Variants in RPS6KA2 observed in about 807,000 individuals in gnomAD.
RPS6KA2 encodes ribosomal protein S6 kinase alpha-2.
Under a neutral mutation model 91.8 loss-of-function variants are expected in RPS6KA2, and 42 were observed. The observed-to-expected ratio is 0.46, with a 90% confidence interval of 0.36 to 0.59. RPS6KA2 has a LOEUF of 0.59. RPS6KA2 is among the 20% of genes least tolerant of loss of function. The pLI, the probability that RPS6KA2 is intolerant of heterozygous loss-of-function variation, is 0.00. For synonymous variants in RPS6KA2, 414 were observed against 393.6 expected (o/e 1.05, Z -0.61); for missense variants, 798 against 978.5 (o/e 0.82, Z 2.46).
At chr6:166,805,967 C>T (rs113990071) in intron 2 of RPS6KA2, among the ~76,000 whole-genome samples, 1,550 of 152,062 alleles carry the variant, frequency 0.01, 33 homozygotes, top group African/African-American at 0.036. Context: ...AAGTACAATA[C>T]GTTAAATTTT....
chr6:166,826,275 A>G (rs1374366641), intron 2 of RPS6KA2, among the ~76,000 whole-genome samples: 1 of 152,224 alleles, frequency 6.6e-6, no homozygotes, highest in Non-Finnish European at 1.5e-5. Flanking sequence ...AGAAAGTGGA[A>G]AAGTAGAAAG....
chr6:166,719,002 C>A (rs1790098432), intron 2 of RPS6KA2, among the ~76,000 whole-genome samples: 1 of 152,142 alleles, frequency 6.6e-6, no homozygotes, highest in Non-Finnish European at 1.5e-5. Flanking sequence ...ACAACAAGGC[C>A]AATATACTTG....
rs1013729355 is a variant in RPS6KA2, at chr6:166,612,650, T to C, written c.99+14271A>G. ...TGCAGAGCCCGTGGGCTGTGCTCCATTTATCACTCTGTCCGGGCGTCTGTT... is the reference window on the plus strand; with the variant it reads ...TGCAGAGCCCGTGGGCTGTGCTCCACTTATCACTCTGTCCGGGCGTCTGTT... On this transcript the variant is annotated intron_variant, in intron 1 of 20. Coordinates refer to ENST00000265678, the MANE Select transcript of RPS6KA2 (RefSeq NM_021135.6). The surrounding 1 kb of genome is among the most constrained non-coding windows in gnomAD (Gnocchi z 4.3). 6.6e-6 allele frequency among the ~76,000 whole-genome samples: 1 copy of C among 152,140 alleles called. No individual in the cohort carries two copies. Among genetic ancestry groups the C allele is most frequent in the African/African-American group, 2.4e-5 (1 of 41,442 alleles).
At position 166,554,603 on chromosome 6, in the gene RPS6KA2, C is replaced by T. The variant is rs1481728096; in HGVS notation, c.100-15819G>A. On this transcript the variant is annotated intron_variant, in intron 1 of 20. Transcript: ENST00000265678. This position sits in a 1 kb window ranked among gnomAD's most constrained non-coding sequence, Gnocchi z 4.3. ...GATGTGAGAACTCGCGGCTGGCACG[C>T]GGGTGGCCATGGGGGGGTGGGGGTC... 2.0e-5 allele frequency among the ~76,000 whole-genome samples: 3 copies of T among 152,162 alleles called. No individual in the cohort carries two copies. Among genetic ancestry groups the T allele is most frequent in the South Asian group, 2.1e-4 (1 of 4,820 alleles).
chr6:166,698,293 G>A (rs1411684858), intron 2 of RPS6KA2, among the ~76,000 whole-genome samples: 1 of 152,166 alleles, frequency 6.6e-6, no homozygotes, highest in Non-Finnish European at 1.5e-5. Context: ...AAATCTGTTG[G>A]GTCACAGGCA....
At chr6:166,760,137 T>C (rs684770) in intron 2 of RPS6KA2, among the ~76,000 whole-genome samples, 18,791 of 152,148 alleles carry the variant, frequency 0.12, 2,551 homozygotes, top group African/African-American at 0.34. Context: ...CTGTAACCTA[T>C]TCATTCGGTT....
At chr6:166,474,002 T>C (rs1163465485) in intron 10 of RPS6KA2, among the ~76,000 whole-genome samples, 4 of 151,322 alleles carry the variant, frequency 2.6e-5, no homozygotes, top group African/African-American at 9.7e-5. Flanking sequence ...ACACCCTTTG[T>C]CAGGGAGTCG....
chr6:166,453,768 T>A (rs1021399255), intron 12 of RPS6KA2, among the ~76,000 whole-genome samples: 3 of 152,248 alleles, frequency 2.0e-5, no homozygotes, highest in African/African-American at 7.2e-5. Context: ...ACTGCAGCAC[T>A]ATTCACAATT....
chr6:166,675,272 C>T (rs558906680), intron 2 of RPS6KA2, among the ~76,000 whole-genome samples: 3 of 152,298 alleles, frequency 2.0e-5, no homozygotes, highest in East Asian at 1.9e-4. Context: ...GGGAGGAGGC[C>T]GGCCTCCCCT....
rs767816057 is a variant in RPS6KA2 at position 166,737,834 on chromosome 6, ATTAG to A, written c.123+120362_123+120365del. On this transcript the variant is annotated intron_variant, in intron 2 of 21. Coordinates refer to the RPS6KA2 transcript ENST00000503859. The surrounding 1 kb of genome is among the most constrained non-coding windows in gnomAD (Gnocchi z 4.3). ...TCCCTTTGGTTATTTTTAAATCTGTATTAGTTATTTTCTCATAAACAGAAATAAC... is the reference window on the plus strand; with the variant it reads ...TCCCTTTGGTTATTTTTAAATCTGTATTATTTTCTCATAAACAGAAATAAC... Among the ~76,000 whole-genome samples, 10 of 152,348 alleles carry A rather than the reference ATTAG, an allele frequency of 6.6e-5. No homozygotes were observed. In the East Asian group the frequency reaches 1.9e-3, roughly 29 times the overall value.
intron 1 of RPS6KA2, among the ~76,000 whole-genome samples, chr6:166,568,119 C>CACA (rs1784558106): frequency 6.6e-6 from 1 of 152,178 alleles, no homozygotes; most frequent in African/African-American, 2.4e-5. Flanking sequence ...GGATGCCCAC[C>CACA]ACAGGCCTCA....
intron 1 of RPS6KA2, among the ~76,000 whole-genome samples, chr6:166,598,676 C>T (rs1280529934): frequency 3.3e-5 from 5 of 152,166 alleles, no homozygotes; most frequent in South Asian, 2.1e-4. Context: ...CATTCTTTCC[C>T]GTTGCGTCAG....
At chr6:166,550,801 C>G (rs9459691) in intron 1 of RPS6KA2, among the ~76,000 whole-genome samples, 110,834 of 151,700 alleles carry the variant, frequency 0.73, 41,807 homozygotes, top group East Asian at 0.94. Context: ...AGGAGATCGA[C>G]ACCATCCTGG....
intron 2 of RPS6KA2, among the ~76,000 whole-genome samples, chr6:166,651,336 T>C (rs1787848999): frequency 6.6e-6 from 1 of 152,192 alleles, no homozygotes; most frequent in Non-Finnish European, 1.5e-5. Flanking sequence ...TTTAACCAAA[T>C]TATGCAATTA....
At chr6:166,788,739 G>A (rs935333494) in intron 2 of RPS6KA2, among the ~76,000 whole-genome samples, 9 of 152,192 alleles carry the variant, frequency 5.9e-5, no homozygotes, top group African/African-American at 2.2e-4. Flanking sequence ...AATGCATGTG[G>A]GGCTTAAAAC....
At chr6:166,460,463 GC>G (rs947812117) in intron 11 of RPS6KA2, among the ~76,000 whole-genome samples, 1 of 152,230 alleles carries the variant, frequency 6.6e-6, no homozygotes, top group Non-Finnish European at 1.5e-5. Context: ...AGCCGGGGGA[GC>G]CCAGTGCTGA....
At chr6:166,555,973 G>A (rs1264915076) in intron 1 of RPS6KA2, among the ~76,000 whole-genome samples, 1 of 152,280 alleles carries the variant, frequency 6.6e-6, no homozygotes, top group Non-Finnish European at 1.5e-5. Context: ...GGGTATCTGG[G>A]GGAAAACAGT....
Position 166,711,104 on chromosome 6 carries a change from A to G in RPS6KA2, c.123+147096T>C, listed in dbSNP as rs577218881. On this transcript the variant is annotated intron_variant, in intron 2 of 21. Transcript: ENST00000503859. ...TGGTGTCCACTGGTGGTGGTGGAGG[A>G]CACTGAGGACTCTGACCACTGCCCA... Among the ~76,000 whole-genome samples the G allele has an allele frequency of 4.6e-5, 7 of 151,692 alleles. No individual in the cohort carries two copies. In the South Asian group the frequency reaches 1.5e-3, roughly 32 times the overall value.
intron 1 of RPS6KA2, among the ~76,000 whole-genome samples, chr6:166,539,869 T>C (rs1783599521): frequency 6.6e-6 from 1 of 152,224 alleles, no homozygotes; most frequent in South Asian, 2.1e-4. Flanking sequence ...AGATTTCTGT[T>C]CCACTATCTA....
Sources: allele counts gnomAD v4.1 joint callset (sites outside exome capture counted in the v4.1 genomes callset), GRCh38; gene constraint gnomAD v4.1.1; non-coding constraint Gnocchi (gnomAD v3.1); transcripts MANE v1.5; gene names NCBI Gene and HGNC (gene_info 2026-07-23, HGNC 2026-07-21).